The following GRIK1 variants were observed in gnomAD, a reference collection of about 807,000 sequenced individuals.
GRIK1 encodes glutamate ionotropic receptor kainate type subunit 1, also known as glutamate receptor ionotropic, kainate 1.
A neutral mutation model predicts 105.7 loss-of-function variants in GRIK1; 69 were observed. The observed-to-expected ratio is 0.65, with a 90% CI of 0.54 to 0.80. The LOEUF (loss-of-function observed/expected upper bound fraction) is 0.80. Ranked by LOEUF, GRIK1 falls within the 30% of genes least tolerant of loss-of-function variation. The pLI, the probability that GRIK1 is intolerant of heterozygous loss-of-function variation, is 0.00. For synonymous variants in GRIK1, 438 were observed against 431.3 expected, an observed-to-expected ratio of 1.02 and a Z score of -0.19; for missense variants, 1,109 against 1,167.3, an observed-to-expected ratio of 0.95 and a Z score of 0.73.
At chr21:29,554,303 A>G (rs2090193862) in intron 16 of GRIK1, among the ~76,000 whole-genome samples, 1 of 152,186 alleles carries the variant, frequency 6.6e-6, no homozygotes, top group Non-Finnish European at 1.5e-5. Context: ...CATAAACTTT[A>G]TATTTTGTTT....
chr21:29,902,539 C>A (rs2070448402), intron 1 of GRIK1, among the ~76,000 whole-genome samples: 1 of 152,178 alleles, frequency 6.6e-6, no homozygotes, highest in Non-Finnish European at 1.5e-5. Context: ...AACTCTCATT[C>A]ACAATTGCTA....
Position 29,555,280 on chromosome 21 carries a change from A to G in GRIK1, c.2379T>C (p.Ile793=). 2 of 1,613,470 alleles carry G rather than the reference A, an allele frequency of 1.2e-6. No homozygotes were observed. The highest frequency in any genetic ancestry group is 1.3e-5 in the African/African-American group (1 of 75,012). Reference sequence around the variant, plus strand: ...CTTGGAGTTGAAGAATAGCAATAGTAATTTTATCCCGGTAAGGAGAACCTG... The same window carrying G: ...CTTGGAGTTGAAGAATAGCAATAGTGATTTTATCCCGGTAAGGAGAACCTG... ...TPIGSPYRDK[I]TIAILQLQEE... Residue 793 remains isoleucine, a synonymous_variant, in exon 16 of 18, where the codon ATT becomes ATC. Transcript: ENST00000327783.
In GRIK1 at chr21:29,752,439, G is replaced by A. The variant is rs953163138; in HGVS notation, c.119-58376C>T. Among the ~76,000 whole-genome samples the A allele has an allele frequency of 3.3e-5, 5 of 152,284 alleles. No individual in the cohort carries two copies. The East Asian group carries it at 5.8e-4, about 18-fold the overall frequency. On this transcript the variant is annotated intron_variant, in intron 1 of 17. Coordinates refer to ENST00000327783, the MANE Select transcript of GRIK1 (RefSeq NM_001330994.2). ...TGTGTGAAAATACTCAAAAGAGAACGTCTGCTTCTTCTTTGCAAGAAGCTT... is the reference window on the plus strand; with the variant it reads ...TGTGTGAAAATACTCAAAAGAGAACATCTGCTTCTTCTTTGCAAGAAGCTT...
intron 4 of GRIK1, among the ~76,000 whole-genome samples, chr21:29,659,543 G>C (rs148692685): frequency 6.6e-6 from 1 of 152,266 alleles, no homozygotes; most frequent in East Asian, 1.9e-4. Flanking sequence ...TATTGTAAAT[G>C]CTTTCTCCGT....
At chr21:29,655,925 T>C (rs890701964) in intron 4 of GRIK1, among the ~76,000 whole-genome samples, 1 of 152,144 alleles carries the variant, frequency 6.6e-6, no homozygotes, top group African/African-American at 2.4e-5. Context: ...GTCCCGGAAA[T>C]GGTGTCAACT....
At chr21:29,656,375 A>AAAAAAAAAAAAAC (rs2062852535) in intron 4 of GRIK1, among the ~76,000 whole-genome samples, 1 of 101,262 alleles carries the variant, frequency 9.9e-6, no homozygotes, top group Non-Finnish European at 2.0e-5. Flanking sequence ...AAAAAAAAAA[A>AAAAAAAAAAAAAC]AAAAAAAAAA....
intron 1 of GRIK1, among the ~76,000 whole-genome samples, chr21:29,769,015 G>A (rs528762160): frequency 1.3e-5 from 2 of 152,190 alleles, no homozygotes; most frequent in South Asian, 4.2e-4. Context: ...ATCAATTATT[G>A]TTGTTCTTTA....
intron 1 of GRIK1, among the ~76,000 whole-genome samples, chr21:29,842,237 G>C (rs2068003269): frequency 6.6e-6 from 1 of 151,968 alleles, no homozygotes; most frequent in African/African-American, 2.4e-5. Flanking sequence ...TTGATGGTTA[G>C]AAAAGACAAC....
intron 1 of GRIK1, among the ~76,000 whole-genome samples, chr21:29,828,522 G>C (rs959839089): frequency 6.6e-6 from 1 of 152,038 alleles, no homozygotes; most frequent in Non-Finnish European, 1.5e-5. Flanking sequence ...GTTTGTTTGA[G>C]ACAGGGTCTC....
At chr21:29,649,202 T>C (rs1430079329) in intron 6 of GRIK1, among the ~76,000 whole-genome samples, 1 of 152,226 alleles carries the variant, frequency 6.6e-6, no homozygotes, top group African/African-American at 2.4e-5. Flanking sequence ...AATGTTACGC[T>C]TCACATAATT....
intron 1 of GRIK1, among the ~76,000 whole-genome samples, chr21:29,724,821 G>C (rs554338255): frequency 2.6e-5 from 4 of 152,226 alleles, no homozygotes; most frequent in Middle Eastern, 6.8e-3. Flanking sequence ...CTTTGTGGGA[G>C]CATGTAATCT....
intron 13 of GRIK1, among the ~76,000 whole-genome samples, chr21:29,580,226 T>C (rs2090998579): frequency 6.7e-6 from 1 of 150,146 alleles, no homozygotes; most frequent in African/African-American, 2.4e-5. Flanking sequence ...GGAGCAGGGG[T>C]CTCCTTCACT....
chr21:29,933,781 A>C (rs1458512877), intron 1 of GRIK1, among the ~76,000 whole-genome samples: 1 of 152,178 alleles, frequency 6.6e-6, no homozygotes, highest in African/African-American at 2.4e-5. Context: ...TAATCTTCTC[A>C]GTTTCAGTCA....
intron 3 of GRIK1, among the ~76,000 whole-genome samples, 181 bp from the exon 4 acceptor site, chr21:29,673,345 T>C (rs2063196487): frequency 6.6e-6 from 1 of 152,192 alleles, no homozygotes; most frequent in Non-Finnish European, 1.5e-5. Context: ...CATTTTCCCT[T>C]TGTGGGTGTG....
intron 1 of GRIK1, among the ~76,000 whole-genome samples, chr21:29,704,969 C>G (rs1279392608): frequency 1.3e-5 from 2 of 152,208 alleles, no homozygotes; most frequent in Non-Finnish European, 2.9e-5. Flanking sequence ...ATAGTTTTAG[C>G]TTTTAACATC....
chr21:29,907,017 TA>T (rs758327551), intron 1 of GRIK1, among the ~76,000 whole-genome samples: 25 of 142,538 alleles, frequency 1.8e-4, no homozygotes, highest in Non-Finnish European at 3.4e-4. Flanking sequence ...GATGAATCAA[TA>T]AAAATAAAAA....
chr21:29,743,557 T>G (rs2064979130), intron 1 of GRIK1, among the ~76,000 whole-genome samples: 1 of 151,930 alleles, frequency 6.6e-6, no homozygotes, highest in Non-Finnish European at 1.5e-5. Flanking sequence ...TAGCTGGGCG[T>G]GGTAGCATGC....
chr21:29,730,776 T>G (rs538187558), intron 1 of GRIK1, among the ~76,000 whole-genome samples: 1 of 152,324 alleles, frequency 6.6e-6, no homozygotes, highest in African/African-American at 2.4e-5. Flanking sequence ...CATCATGACA[T>G]TCATAGCCAC....
intron 1 of GRIK1, among the ~76,000 whole-genome samples, chr21:29,782,233 C>T (rs1278110195): frequency 2.0e-5 from 3 of 151,668 alleles, no homozygotes; most frequent in Non-Finnish European, 2.9e-5. Flanking sequence ...ACTGCAGGCG[C>T]CCGCCACCAA....
Sources: allele counts gnomAD v4.1 joint callset (sites outside exome capture counted in the v4.1 genomes callset), GRCh38; gene constraint gnomAD v4.1.1; transcripts MANE v1.5; gene names NCBI Gene and HGNC (gene_info 2026-07-23, HGNC 2026-07-21).